The following HR variants were observed in gnomAD, a reference collection of about 807,000 sequenced individuals.
HR encodes HR lysine demethylase and nuclear receptor corepressor, also known as lysine-specific demethylase hairless.
A neutral mutation model predicts 128.6 loss-of-function variants in HR; 83 were observed. The observed-to-expected ratio is 0.65, with a 90% CI of 0.54 to 0.77. The LOEUF (loss-of-function observed/expected upper bound fraction) is 0.77. Among genes scored for constraint, HR ranks in the 30% least tolerant of loss-of-function variants. The pLI is 0.00. For missense variants in HR, 1,490 were observed against 1,574.6 expected (o/e 0.95, Z 0.91); for synonymous variants, 681 against 658.2 (o/e 1.03, Z -0.53).
intron 6 of HR, 32 bp downstream of exon 6, chr8:22,123,617 T>TTGGGGGGGGGG: frequency 3.4e-6 from 1 of 292,092 alleles, no homozygotes; most frequent in Non-Finnish European, 6.2e-6. Flanking sequence ...GAGGGCTCCA[T>TTGGGGGGGGGG]CCCGCCCTCC....
In HR at chr8:22,119,803, G is replaced by A. The variant is rs746922853; in HGVS notation, c.2934C>T (p.Gly978=). Residue 978 remains glycine, a synonymous_variant, in exon 14 of 19, where the codon GGC becomes GGT. Transcript: ENST00000381418. ...GGGGCTCCAGTGGACGCAGGGCAAG[G>A]CCCGGTGGGAGGTAGGAAGCCAGGT... The part of the protein sequence containing the change: ...KLNLASYLPP[G]LALRPLEPQL... 1.2e-6 allele frequency: 2 copies of A among 1,613,720 alleles called. No homozygotes were observed. The highest frequency in any genetic ancestry group is 2.2e-5 in the East Asian group (1 of 44,868).
At position 22,119,200 on chromosome 8, in the gene HR, C is replaced by T. The variant is rs1563617214; in HGVS notation, c.3061G>A (p.Asp1021Asn). ...CGGTGCCAGGCAGGCAGTGGTGTGT[C>T]GGCATGCACCAGGATGCTGACCAGG... ...ADLVSILVHA[D>N]TPLPAWHRAQ... The change falls in exon 15 of 19, where the codon GAC becomes AAC. Residue 1021 changes from aspartate (D) to asparagine (N), a missense_variant. This residue lies in a region of HR where 423 missense variants were observed against 495.9 expected (regional missense o/e 0.85). Coordinates refer to ENST00000381418, the MANE Select transcript of HR (RefSeq NM_005144.5). The T allele has an allele frequency of 6.2e-7, 1 of 1,613,850 alleles. No individual in the cohort carries two copies. Among genetic ancestry groups the T allele is most frequent in the Non-Finnish European group, 8.5e-7 (1 of 1,180,022 alleles).
chr8:22,123,616 ATCC>A, intron 6 of HR, 30 bp downstream of exon 6: 2 of 562,344 alleles, frequency 3.6e-6, no homozygotes, highest in Non-Finnish European at 3.0e-6. Flanking sequence ...TGAGGGCTCC[ATCC>A]CGCCCTCCCA....
chr8:22,120,529 G>T, intron 11 of HR, 22 bp from the exon 12 acceptor site: 1 of 1,613,042 alleles, frequency 6.2e-7, no homozygotes, highest in Non-Finnish European at 8.5e-7. Flanking sequence ...AAGGAAGGAG[G>T]CCATGAGGAG....
Position 22,126,169 on chromosome 8 carries a change from C to T in HR, c.1406-437G>A, listed in dbSNP as rs533839065. Among the ~76,000 whole-genome samples the T allele has an allele frequency of 2.2e-3, 339 of 152,364 alleles. 3 individuals carry two copies. The highest frequency in any genetic ancestry group is 7.2e-3 in the South Asian group (35 of 4,834). ...GGCCAGAGAGTTTCGACACAGGCCA[C>T]AGGTGCAGTAACCCAAGAAGGCGAA... On this transcript the variant is annotated intron_variant, in intron 3 of 18. Transcript: ENST00000381418.
chr8:22,116,116 C>G lies in HR; in HGVS notation c.3507+184G>C, dbSNP rs1489703231. The stretch of plus-strand genomic sequence containing the variant: ...TGCCACTGCACTCCAGCCTAGGTGA[C>G]AGAACAAGACTCCATCTCAAAAAAC... On this transcript the variant is annotated intron_variant, in intron 18 of 18. Transcript: ENST00000381418. The surrounding 1 kb of genome is among the most constrained non-coding windows in gnomAD (Gnocchi z 4.2). Among the ~76,000 whole-genome samples the G allele has an allele frequency of 6.6e-6, 1 of 152,214 alleles. No homozygotes were observed. The highest frequency in any genetic ancestry group is 2.4e-5 in the African/African-American group (1 of 41,464).
intron 11 of HR, 66 bp from the exon 12 acceptor site, chr8:22,120,573 G>C (rs1826717432): frequency 1.2e-6 from 2 of 1,605,418 alleles, no homozygotes; most frequent in Non-Finnish European, 8.5e-7. Context: ...CCAGGCAAGG[G>C]CGTGTTGTAA....
At position 22,121,646 on chromosome 8, in the gene HR, C is replaced by T. The variant is rs1282206197; in HGVS notation, c.2170G>A (p.Gly724Ser). Residue 724 changes from glycine (G) to serine (S), a missense_variant, in exon 9 of 19, where the codon GGC becomes AGC. By Grantham distance (56) the Gly-to-Ser change is moderately conservative (BLOSUM62 0). This residue lies in a region of HR where 1,060 missense variants were observed against 1,060.9 expected (regional missense o/e 1.00). Coordinates refer to ENST00000381418, the MANE Select transcript of HR (RefSeq NM_005144.5). Reference protein sequence around the residue: ...TPPTPQPSCNGDTHRTKSIKE... With the variant: ...TPPTPQPSCNSDTHRTKSIKE... ...ATGCTCTTGGTCCTGTGGGTGTCGC[C>T]ATTGCAGGAAGGTTGTGGAGTTGGG... 2 of 1,614,048 alleles carry T rather than the reference C, an allele frequency of 1.2e-6. No homozygotes were observed. The highest frequency in any genetic ancestry group is 1.3e-5 in the African/African-American group (1 of 74,922).
Position 22,122,837 on chromosome 8 carries a change from C to G in HR, c.1958G>C (p.Gly653Ala). The G allele has an allele frequency of 1.3e-6, 2 of 1,556,290 alleles. No homozygotes were observed. Among genetic ancestry groups the G allele is most frequent in the Non-Finnish European group, 1.7e-6 (2 of 1,150,034 alleles). ...QSAEECTQEA[G>A]HAACSLMLTQ... Reference sequence around the variant, plus strand: ...CAGCATCAGGGAACAGGCAGCGTGCCCGGCCTCCTGCGTGCACTCCTCCGC... The same window carrying G: ...CAGCATCAGGGAACAGGCAGCGTGCGCGGCCTCCTGCGTGCACTCCTCCGC... The change falls in exon 7 of 19, where the codon GGG (glycine) becomes GCG (alanine). Residue 653 changes from glycine to alanine, a missense_variant. Physicochemically the swap from Gly to Ala is moderately conservative, Grantham distance 60. Around this residue, in one of 3 missense-constraint regions of HR, gnomAD observed 1,060 missense variants for 1,060.9 expected, o/e 1.00. Coordinates refer to ENST00000381418, the MANE Select transcript of HR (RefSeq NM_005144.5).
rs1442532692 is a variant in HR, at chr8:22,121,060, C to G, written c.2367+5G>C. 7 of 1,613,428 alleles carry G rather than the reference C, an allele frequency of 4.3e-6. No homozygotes were observed. Among genetic ancestry groups the G allele is most frequent in the African/African-American group, 2.7e-5 (2 of 74,952 alleles). The stretch of plus-strand genomic sequence containing the variant: ...TCCTAGCCCTCCCTCCGTGCCCTCA[C>G]TCACACTGGGCAGGGCCGGAGTGAC... On this transcript the variant is annotated splice_donor_5th_base_variant and intron_variant, in intron 10 of 18. Transcript: ENST00000381418.
chr8:22,126,973 G>A, intron 3 of HR, 64 bp downstream of exon 3: 1 of 1,504,158 alleles, frequency 6.6e-7, no homozygotes, highest in East Asian at 2.3e-5. Context: ...CCCGCCCCAT[G>A]CGAAGCCCCA....
At chr8:22,126,519 C>G (rs1826894938) in intron 3 of HR, among the ~76,000 whole-genome samples, 1 of 152,240 alleles carries the variant, frequency 6.6e-6, no homozygotes. Flanking sequence ...TCAGGACAAG[C>G]AATCCCCAAA....
intron 8 of HR, 30 bp from the exon 9 acceptor site, chr8:22,121,724 C>A: frequency 2.5e-6 from 4 of 1,602,316 alleles, no homozygotes; most frequent in Non-Finnish European, 3.4e-6. Context: ...CCCCCCCAAT[C>A]CAACCAGAGA....
intron 3 of HR, 34 bp downstream of exon 3, chr8:22,127,003 A>C: frequency 2.1e-6 from 3 of 1,441,372 alleles, no homozygotes; most frequent in Non-Finnish European, 2.9e-6. Flanking sequence ...GCCCCCTCCC[A>C]CGCAGGGCCT....
chr8:22,128,581 G>A lies in HR; in HGVS notation c.590C>T (p.Ser197Phe), dbSNP rs1217218712. 3 of 1,611,050 alleles carry A rather than the reference G, an allele frequency of 1.9e-6. No homozygotes were observed. The highest frequency in any genetic ancestry group is 2.5e-6 in the Non-Finnish European group (3 of 1,179,304). The change falls in exon 2 of 19, where the codon TCT becomes TTT. Residue 197 changes from serine to phenylalanine, a missense_variant. By Grantham distance (155) the Ser-to-Phe change is radical (BLOSUM62 -2). Coordinates refer to ENST00000381418, the MANE Select transcript of HR (RefSeq NM_005144.5). ...VYSGGQPKVP[S>F]AFSLGSKGFY... Reference sequence around the variant, plus strand: ...CACCTTGCTGCCTAAGCTGAAGGCAGAGGGCACTTTGGGCTGGCCCCCGGA... The same window carrying A: ...CACCTTGCTGCCTAAGCTGAAGGCAAAGGGCACTTTGGGCTGGCCCCCGGA...
intron 16 of HR, 27 bp from the exon 17 acceptor site, chr8:22,117,066 G>A (rs761671957): frequency 3.0e-4 from 440 of 1,467,414 alleles, no homozygotes; most frequent in Admixed American, 1.2e-3. Context: ...GGGAATGAGC[G>A]AGATGGGGAG....
chr8:22,125,468 G>C lies in HR; in HGVS notation c.1593C>G (p.Asp531Glu). ...PLGGELQQEE[D>E]TATNSSSEEG... ...CCTCAGAGCTGGAGTTGGTGGCTGT[G>C]TCTTCCTCCTGCTGCAGCTCCCCTC... The change falls in exon 5 of 19, where the codon GAC becomes GAG. Residue 531 changes from aspartate (D) to glutamate (E), a missense_variant. Physicochemically the swap from Asp to Glu is conservative, Grantham distance 45. Coordinates refer to ENST00000381418, the MANE Select transcript of HR (RefSeq NM_005144.5). The C allele has an allele frequency of 1.9e-6, 3 of 1,613,560 alleles. No individual in the cohort carries two copies. The highest frequency in any genetic ancestry group is 2.5e-6 in the Non-Finnish European group (3 of 1,180,018).
In HR at chr8:22,125,640, A is replaced by G. The variant is rs758732740; in HGVS notation, c.1498T>C (p.Cys500Arg). Residue 500 changes from cysteine to arginine, a missense_variant, in exon 4 of 19, where the codon TGT becomes CGT. Coordinates refer to ENST00000381418, the MANE Select transcript of HR (RefSeq NM_005144.5). Reference protein sequence around the residue: ...LPAKLAQCQSCAQAAGEGGGH... With the variant: ...LPAKLAQCQSRAQAAGEGGGH... Reference sequence around the variant, plus strand: ...CCTCCCTCTCCAGCTGCCTGGGCACAACTTTGGCATTGAGCCAGTTTTGCA... The same window carrying G: ...CCTCCCTCTCCAGCTGCCTGGGCACGACTTTGGCATTGAGCCAGTTTTGCA... The G allele has an allele frequency of 6.8e-6, 11 of 1,612,102 alleles. No individual in the cohort carries two copies. The highest frequency in any genetic ancestry group is 9.3e-6 in the Non-Finnish European group (11 of 1,179,462).
rs1252362100 is a variant in HR, at chr8:22,120,415, C to T, written c.2703G>A (p.Leu901=). The T allele has an allele frequency of 1.2e-6, 2 of 1,613,990 alleles. No homozygotes were observed. ...TGGGCTGGGGAGGTCCGAGGGGGCT[C>T]AGCGCCTGCACCTGGCCTCCAAGTG... is the stretch of plus-strand genomic sequence containing the variant. ...LGALGGQVQA[L]SPLGPPQPSS... The change falls in exon 12 of 19, where the codon CTG becomes CTA. Residue 901 remains leucine, a synonymous_variant. Coordinates refer to ENST00000381418, the MANE Select transcript of HR (RefSeq NM_005144.5).
Sources: allele counts gnomAD v4.1 joint callset (sites outside exome capture counted in the v4.1 genomes callset), GRCh38; gene constraint gnomAD v4.1.1; regional missense constraint gnomAD v4.1.1; non-coding constraint Gnocchi (gnomAD v3.1); transcripts MANE v1.5; gene names NCBI Gene and HGNC (gene_info 2026-07-23, HGNC 2026-07-21).